The following PPP1R1C variants were observed in gnomAD, a reference collection of about 807,000 sequenced individuals.
PPP1R1C encodes the protein protein phosphatase 1 regulatory subunit 1C.
In PPP1R1C, 15 loss-of-function variants were observed where a neutral mutation model predicts 17.4. That is an observed-to-expected ratio of 0.86 (90% confidence interval 0.58 to 1.33). PPP1R1C has a LOEUF of 1.33. Among genes scored for constraint, PPP1R1C ranks in the 40% most tolerant of loss-of-function variants. PPP1R1C has a pLI of 0.00. For missense variants in PPP1R1C, 143 were observed against 130.0 expected (o/e 1.10, Z -0.48); for synonymous variants, 35 against 43.1 (o/e 0.81, Z 0.73).
chr2:181,977,248 T>A lies in PPP1R1C; in HGVS notation n.157+1984T>A, dbSNP rs1303254919. Among the ~76,000 whole-genome samples the A allele has an allele frequency of 2.0e-5, 3 of 151,734 alleles. No homozygotes were observed. The East Asian group carries it at 5.8e-4, about 29-fold the overall frequency. On this transcript the variant is annotated intron_variant and non_coding_transcript_variant, in intron 2 of 5. Transcript: ENST00000464264. ...ATAACTACTAGAATTCAGTGGATAA[T>A]TTTTAGATGTTTGTAATTACATCCT...
At chr2:182,054,599 G>A (rs1342969669) in intron 2 of PPP1R1C, among the ~76,000 whole-genome samples, 1 of 151,480 alleles carries the variant, frequency 6.6e-6, no homozygotes, top group Non-Finnish European at 1.5e-5. Context: ...TAATGCCCTT[G>A]TGTATAGTTA....
intron 2 of PPP1R1C, among the ~76,000 whole-genome samples, chr2:182,051,758 A>G (rs989075686): frequency 6.6e-6 from 1 of 152,220 alleles, no homozygotes; most frequent in Non-Finnish European, 1.5e-5. Context: ...GTTTAAATAC[A>G]GTTAAACCAT....
intron 2 of PPP1R1C, among the ~76,000 whole-genome samples, chr2:182,004,154 C>T (rs1156771051): frequency 6.6e-6 from 1 of 152,202 alleles, no homozygotes; most frequent in Non-Finnish European, 1.5e-5. Flanking sequence ...AATACTTCTT[C>T]CAGTTGAACA....
At chr2:182,066,404 G>T (rs1041440188) in intron 4 of PPP1R1C, among the ~76,000 whole-genome samples, 2 of 151,958 alleles carry the variant, frequency 1.3e-5, no homozygotes, top group African/African-American at 4.8e-5. Flanking sequence ...AACCTATTTT[G>T]TTATTTTTAT....
At chr2:182,078,195 AT>A (rs1688371071) in intron 4 of PPP1R1C, among the ~76,000 whole-genome samples, 1 of 152,120 alleles carries the variant, frequency 6.6e-6, no homozygotes, top group Admixed American at 6.5e-5. Flanking sequence ...AAAATATGTC[AT>A]TTTTGGTATG....
At chr2:182,082,132 A>T (rs1004563325) in intron 4 of PPP1R1C, among the ~76,000 whole-genome samples, 1 of 152,184 alleles carries the variant, frequency 6.6e-6, no homozygotes, top group African/African-American at 2.4e-5. Flanking sequence ...CCATAAGGGG[A>T]CACAAAGACA....
chr2:181,987,655 C>G (rs1430351430), intron 1 of PPP1R1C, among the ~76,000 whole-genome samples, 184 bp from the exon 2 acceptor site: 1 of 152,174 alleles, frequency 6.6e-6, no homozygotes, highest in African/African-American at 2.4e-5. Context: ...TTCTATCAGA[C>G]AGTTCAATTC....
At chr2:182,057,025 T>C (rs142915403) in intron 2 of PPP1R1C, among the ~76,000 whole-genome samples, 3 of 152,338 alleles carry the variant, frequency 2.0e-5, no homozygotes, top group African/African-American at 7.2e-5. Context: ...TAAAAGTATG[T>C]ATTTAGCACC....
In PPP1R1C at chr2:181,957,681, C is replaced by G. The variant is rs899405516; in HGVS notation, n.111+3047C>G. On this transcript the variant is annotated intron_variant and non_coding_transcript_variant, in intron 1 of 5. Transcript: ENST00000464264. The surrounding 1 kb of genome is among the most constrained non-coding windows in gnomAD (Gnocchi z 4.2). ...CCAAATAATCAAAATCTGATAATTCCCATTGCATACCTTAGGAATCTGTCT... is the reference window on the plus strand; with the variant it reads ...CCAAATAATCAAAATCTGATAATTCGCATTGCATACCTTAGGAATCTGTCT... 6.6e-5 allele frequency among the ~76,000 whole-genome samples: 10 copies of G among 151,910 alleles called. No homozygotes were observed. Among genetic ancestry groups the G allele is most frequent in the African/African-American group, 2.4e-4 (10 of 41,324 alleles).
chr2:182,097,267 C>A (rs899551542), intron 4 of PPP1R1C, among the ~76,000 whole-genome samples: 2 of 152,148 alleles, frequency 1.3e-5, no homozygotes, highest in Non-Finnish European at 2.9e-5. Flanking sequence ...TGGTAGTTTT[C>A]ATTAATGTAC....
intron 4 of PPP1R1C, among the ~76,000 whole-genome samples, chr2:182,071,368 A>G (rs1559081006): frequency 6.6e-6 from 1 of 152,142 alleles, no homozygotes; most frequent in Non-Finnish European, 1.5e-5. Flanking sequence ...TCTCAGGATT[A>G]TATTGAGGTA....
At chr2:182,125,400 GATGCTAGCC>G (rs1201603142) in intron 5 of PPP1R1C, among the ~76,000 whole-genome samples, 1 of 152,120 alleles carries the variant, frequency 6.6e-6, no homozygotes, top group Non-Finnish European at 1.5e-5. Context: ...GTATCATGAT[GATGCTAGCC>G]TCATAAAATG....
At chr2:182,011,351 T>C (rs948007828) in intron 2 of PPP1R1C, among the ~76,000 whole-genome samples, 1 of 152,092 alleles carries the variant, frequency 6.6e-6, no homozygotes, top group Non-Finnish European at 1.5e-5. Context: ...TGATAGGTTG[T>C]ATGTGTCTAG....
chr2:182,049,455 T>C (rs897374348), intron 2 of PPP1R1C, among the ~76,000 whole-genome samples: 1 of 151,998 alleles, frequency 6.6e-6, no homozygotes, highest in African/African-American at 2.4e-5. Flanking sequence ...GAAAAGATTA[T>C]AAACAAAAGC....
At chr2:182,130,602 G>T (rs2125245071), downstream of PPP1R1C, 1 of 152,212 alleles carries the variant, frequency 6.6e-6, no homozygotes, top group Non-Finnish European at 1.5e-5. Flanking sequence ...TTTCTTTATT[G>T]TTTACAGATA....
In PPP1R1C at chr2:181,986,252, G is replaced by C. The variant is rs978673169; in HGVS notation, c.81+61G>C. The stretch of plus-strand genomic sequence containing the variant: ...TAAGGTAATATGAACATGCATTCTG[G>C]TTATTAATTGAAAGGTTCTTTACCT... On this transcript the variant is annotated intron_variant, in intron 1 of 4. Coordinates refer to ENST00000682840, the MANE Select transcript of PPP1R1C (RefSeq NM_001080545.3). The C allele has an allele frequency of 4.2e-5, 53 of 1,256,068 alleles. No homozygotes were observed. The Admixed American group carries it at 9.0e-4, about 21-fold the overall frequency. The allele number at this position is 1,256,068 out of a possible 1,614,324, so 77.8% of individuals were successfully genotyped here.
intron 2 of PPP1R1C, among the ~76,000 whole-genome samples, chr2:182,044,228 C>G (rs1687274611): frequency 6.6e-6 from 1 of 152,172 alleles, no homozygotes. Context: ...CGAAAGAAAT[C>G]TGGTCATGCC....
At chr2:182,081,699 T>A (rs1688482366) in intron 4 of PPP1R1C, among the ~76,000 whole-genome samples, 1 of 152,208 alleles carries the variant, frequency 6.6e-6, no homozygotes, top group African/African-American at 2.4e-5. Flanking sequence ...TATTAAAATA[T>A]GTCATAATAA....
chr2:182,001,829 G>T (rs1685773753), intron 2 of PPP1R1C, among the ~76,000 whole-genome samples: 1 of 152,052 alleles, frequency 6.6e-6, no homozygotes, highest in South Asian at 2.1e-4. Context: ...GATTGTACGA[G>T]AAATCACTTT....
Sources: gnomAD v4.1 joint callset for allele counts (sites outside exome capture counted in the v4.1 genomes callset) on GRCh38, gnomAD v4.1.1 for gene constraint, Gnocchi (gnomAD v3.1) non-coding constraint, MANE v1.5 for transcripts, NCBI Gene and HGNC (gene_info 2026-07-23, HGNC 2026-07-21) for gene names.